FAT3: variants seen among roughly 807,000 people sequenced by gnomAD.
The protein encoded by FAT3 is protocadherin Fat 3.
FAT3 carries 95 observed loss-of-function variants against 310.2 expected under a neutral mutation model. That is an observed-to-expected ratio of 0.31 (90% CI 0.26 to 0.36). The LOEUF is 0.36. FAT3 is among the 10% of genes least tolerant of loss of function. The pLI is 1.00. For missense variants in FAT3, 5,408 were observed against 5,715.6 expected (o/e 0.95, Z 1.74); for synonymous variants, 2,314 against 2,192.9 (o/e 1.06, Z -1.54).
At position 92,808,156 on chromosome 11, in the gene FAT3, G is replaced by T. The variant is rs536115402; in HGVS notation, c.9247+1641G>T. On this transcript the variant is annotated intron_variant, in intron 12 of 27. Transcript: ENST00000525166. Reference sequence around the variant, plus strand: ...CATAAAAGTATTTTATGGGATATTTGTGGTAGACTCCAAGATAAACAAAAT... The same window carrying T: ...CATAAAAGTATTTTATGGGATATTTTTGGTAGACTCCAAGATAAACAAAAT... Among the ~76,000 whole-genome samples, 5 of 152,298 alleles carry T rather than the reference G, an allele frequency of 3.3e-5. No individual in the cohort carries two copies. The South Asian group carries it at 1.0e-3, about 32-fold the overall frequency.
At chr11:92,554,036 C>A (rs1954919505) in intron 3 of FAT3, among the ~76,000 whole-genome samples, 2 of 151,954 alleles carry the variant, frequency 1.3e-5, no homozygotes, top group African/African-American at 4.8e-5. Context: ...GAACTCCTGA[C>A]CTCAGGTGAT....
At chr11:92,877,303 TAAG>T (rs969069028) in intron 22 of FAT3, among the ~76,000 whole-genome samples, 2 of 152,090 alleles carry the variant, frequency 1.3e-5, no homozygotes, top group Non-Finnish European at 2.9e-5. Context: ...GAGCTTAAAA[TAAG>T]AATTGCTCAA....
At chr11:92,746,070 T>C (rs769986802) in intron 4 of FAT3, among the ~76,000 whole-genome samples, 8 of 152,258 alleles carry the variant, frequency 5.3e-5, no homozygotes, top group African/African-American at 7.2e-5. Context: ...CAGAGCATTT[T>C]CAGTTTGAGC....
intron 2 of FAT3, among the ~76,000 whole-genome samples, chr11:92,411,423 GGAGA>G (rs1450214261): frequency 6.6e-6 from 1 of 151,806 alleles, no homozygotes; most frequent in African/African-American, 2.4e-5. Flanking sequence ...GTAAGTGTGG[GGAGA>G]GATTGTGTCT....
intron 4 of FAT3, among the ~76,000 whole-genome samples, chr11:92,749,827 A>C (rs1945781964): frequency 6.6e-6 from 1 of 152,186 alleles, no homozygotes; most frequent in African/African-American, 2.4e-5. Flanking sequence ...ACCCATAGAG[A>C]CTGTGCTCCT....
intron 1 of FAT3, among the ~76,000 whole-genome samples, chr11:92,325,211 C>T (rs1054016418): frequency 2.0e-5 from 3 of 152,180 alleles, no homozygotes; most frequent in Admixed American, 6.5e-5. Flanking sequence ...CAGCTCCAAA[C>T]AGTTGGTGGG....
At chr11:92,598,859 T>A (rs1185242103) in intron 3 of FAT3, among the ~76,000 whole-genome samples, 2 of 152,218 alleles carry the variant, frequency 1.3e-5, no homozygotes, top group East Asian at 3.9e-4. Flanking sequence ...CTGCTATAAC[T>A]GTTCTTAAGA....
At chr11:92,696,452 G>A (rs1943945707) in intron 3 of FAT3, among the ~76,000 whole-genome samples, 1 of 151,924 alleles carries the variant, frequency 6.6e-6, no homozygotes, top group South Asian at 2.1e-4. Flanking sequence ...CTCTTTCACA[G>A]CCCCTGGAAA....
intron 17 of FAT3, among the ~76,000 whole-genome samples, chr11:92,839,433 TGTCTAGTTTTTGA>T (rs1428259885): frequency 1.3e-5 from 2 of 152,232 alleles, no homozygotes; most frequent in African/African-American, 4.8e-5. Context: ...AGGGAGACAC[TGTCTAGTTTTTGA>T]TGACCAAAAG....
chr11:92,334,876 C>T (rs536381706), intron 1 of FAT3, among the ~76,000 whole-genome samples: 10 of 152,272 alleles, frequency 6.6e-5, no homozygotes, highest in East Asian at 3.9e-4. Flanking sequence ...AATTAAATTA[C>T]GCTTACGTGA....
chr11:92,238,083 A>G (rs1458952040), intron 1 of FAT3, among the ~76,000 whole-genome samples: 2 of 152,090 alleles, frequency 1.3e-5, no homozygotes, highest in Admixed American at 1.3e-4. Context: ...CAGGGTTGGG[A>G]TTTGAATCTA....
intron 25 of FAT3, 41 bp from the exon 26 acceptor site, chr11:92,889,148 C>T: frequency 1.4e-6 from 1 of 693,028 alleles, no homozygotes; most frequent in Non-Finnish European, 2.7e-6. Flanking sequence ...TAACCTGAAG[C>T]TGTCCTTCCC....
Position 92,716,801 on chromosome 11 carries a change from G to A in FAT3, c.3669+19356G>A, listed in dbSNP as rs188129208. The stretch of plus-strand genomic sequence containing the variant: ...AAGAGAGATTCATTTGGGAAAAGGA[G>A]GGAGGTTTCCCTTTATGATTGTAGT... On this transcript the variant is annotated intron_variant, in intron 4 of 27. Transcript: ENST00000525166. Among the ~76,000 whole-genome samples, 671 of 152,300 alleles carry A rather than the reference G, an allele frequency of 4.4e-3. 2 individuals are homozygous for A. Among genetic ancestry groups the A allele is most frequent in the Non-Finnish European group, 7.4e-3 (506 of 68,026 alleles).
intron 4 of FAT3, among the ~76,000 whole-genome samples, chr11:92,699,495 T>C (rs1042943349): frequency 2.0e-5 from 3 of 152,216 alleles, no homozygotes; most frequent in Non-Finnish European, 2.9e-5. Flanking sequence ...TGCATTGTTA[T>C]AAAAAAATTT....
chr11:92,276,154 A>G (rs1156506587), intron 1 of FAT3, among the ~76,000 whole-genome samples: 1 of 152,178 alleles, frequency 6.6e-6, no homozygotes. Context: ...AGCACAAACT[A>G]TTTTACAAAA....
At chr11:92,335,287 T>C (rs981805144) in intron 1 of FAT3, among the ~76,000 whole-genome samples, 2 of 152,184 alleles carry the variant, frequency 1.3e-5, no homozygotes, top group Non-Finnish European at 2.9e-5. Context: ...TATTCAAAAT[T>C]CCTAAATGAT....
chr11:92,353,642 T>C lies in FAT3; in HGVS notation c.1530T>C (p.Ser510=). The change falls in exon 2 of 28, where the codon AGT becomes AGC. Residue 510 remains serine (S), a synonymous_variant. Transcript: ENST00000525166. The part of the protein sequence containing the change: ...DKGENGYITY[S]IASLNLLPFV... ...GAGAAAATGGGTACATCACCTATAG[T>C]ATCGCTAGCCTGAATTTGTTACCAT... is the stretch of plus-strand genomic sequence containing the variant. The C allele has an allele frequency of 6.2e-7, 1 of 1,613,908 alleles. No individual in the cohort carries two copies. The highest frequency in any genetic ancestry group is 1.1e-5 in the South Asian group (1 of 91,088).
At chr11:92,495,330 G>C (rs1383550684) in intron 2 of FAT3, among the ~76,000 whole-genome samples, 1 of 152,036 alleles carries the variant, frequency 6.6e-6, no homozygotes, top group Non-Finnish European at 1.5e-5. Flanking sequence ...CTGGAATCCA[G>C]GTTTCTCTGC....
At chr11:92,453,342 T>G (rs1030321993) in intron 2 of FAT3, among the ~76,000 whole-genome samples, 6 of 152,200 alleles carry the variant, frequency 3.9e-5, no homozygotes, top group Non-Finnish European at 7.3e-5. Context: ...CGCTGCACTT[T>G]AAGCCAAGCA....
Sources: gnomAD v4.1 joint callset for allele counts (sites outside exome capture counted in the v4.1 genomes callset) on GRCh38, gnomAD v4.1.1 for gene constraint, MANE v1.5 for transcripts, NCBI Gene and HGNC (gene_info 2026-07-23, HGNC 2026-07-21) for gene names.